PTPRN2: variants seen among roughly 807,000 people sequenced by gnomAD.
The protein encoded by PTPRN2 is receptor-type tyrosine-protein phosphatase N2.
A neutral mutation model predicts 118.8 loss-of-function variants in PTPRN2; 74 were observed. That is an observed-to-expected ratio of 0.62 (90% CI 0.52 to 0.76). The LOEUF (loss-of-function observed/expected upper bound fraction) is 0.76. Among genes scored for constraint, PTPRN2 ranks in the 30% least tolerant of loss-of-function variants. The pLI is 0.00. For missense variants in PTPRN2, 1,481 were observed against 1,394.4 expected, an observed-to-expected ratio of 1.06 and a Z score of -0.99; for synonymous variants, 641 against 608.0, an observed-to-expected ratio of 1.05 and a Z score of -0.80.
At chr7:157,902,334 C>T (rs1020208861) in intron 11 of PTPRN2, among the ~76,000 whole-genome samples, 3 of 151,024 alleles carry the variant, frequency 2.0e-5, no homozygotes, top group Non-Finnish European at 4.4e-5. Context: ...CTGGAGAGCA[C>T]GTGGGGACCA....
intron 3 of PTPRN2, among the ~76,000 whole-genome samples, chr7:158,272,775 G>A (rs1798599684): frequency 6.6e-6 from 1 of 152,138 alleles, no homozygotes; most frequent in African/African-American, 2.4e-5. Context: ...GTGAAACCAG[G>A]GCCTCATAGG....
chr7:157,739,872 C>G (rs188007530), intron 12 of PTPRN2, among the ~76,000 whole-genome samples: 25 of 152,346 alleles, frequency 1.6e-4, no homozygotes, highest in African/African-American at 5.3e-4. Context: ...CATTCCACCC[C>G]CTCTGCGTGC....
chr7:158,186,011 A>G (rs1825099360), intron 5 of PTPRN2, among the ~76,000 whole-genome samples: 1 of 86,122 alleles, frequency 1.2e-5, no homozygotes, highest in African/African-American at 3.3e-5. Context: ...GATTTCTCCC[A>G]GCCCTCTCCC....
intron 3 of PTPRN2, among the ~76,000 whole-genome samples, chr7:158,254,710 C>T (rs565871036): frequency 2.0e-5 from 3 of 152,140 alleles, no homozygotes; most frequent in East Asian, 1.9e-4. Context: ...ACAGAGCCAC[C>T]GCTGCACACA....
intron 21 of PTPRN2, among the ~76,000 whole-genome samples, chr7:157,556,854 ACT>A (rs1240545036): frequency 1.3e-5 from 2 of 150,934 alleles, no homozygotes; most frequent in Admixed American, 1.3e-4. Context: ...CCATGCACAC[ACT>A]CACACAACAT....
At chr7:158,489,666 G>T in intron 2 of PTPRN2, 69 bp downstream of exon 2, 1 of 1,479,696 alleles carries the variant, frequency 6.8e-7, no homozygotes, top group Non-Finnish European at 9.1e-7. Flanking sequence ...GGCTCACCAG[G>T]CTGGGCGCTG....
intron 2 of PTPRN2, among the ~76,000 whole-genome samples, chr7:158,391,455 C>A (rs1437503049): frequency 6.6e-6 from 1 of 152,250 alleles, no homozygotes; most frequent in Non-Finnish European, 1.5e-5. Flanking sequence ...GGGAAAGAGA[C>A]CATGTCCTGG....
chr7:157,721,869 G>C (rs535201729), intron 12 of PTPRN2, among the ~76,000 whole-genome samples: 2 of 152,330 alleles, frequency 1.3e-5, no homozygotes, highest in South Asian at 4.1e-4. Context: ...TCGTGTTACA[G>C]AGCATTCTAA....
At chr7:158,098,425 G>A (rs1295140991) in intron 10 of PTPRN2, among the ~76,000 whole-genome samples, 1 of 152,210 alleles carries the variant, frequency 6.6e-6, no homozygotes, top group Non-Finnish European at 1.5e-5. Context: ...TAAGGCGGGA[G>A]ATGCCCGAGG....
intron 1 of PTPRN2, among the ~76,000 whole-genome samples, chr7:158,557,154 C>T (rs1284288302): frequency 1.6e-5 from 2 of 122,238 alleles, no homozygotes; most frequent in African/African-American, 6.4e-5. Flanking sequence ...GCAGGGCAGG[C>T]GGCTCCCACG....
chr7:157,583,778 A>G lies in PTPRN2; in HGVS notation c.2497-5638T>C, dbSNP rs1348359997. Reference sequence around the variant, plus strand: ...GGTGCTGTAATCCCAGCTACTCAGGAGGCTGAGGCAGGAGAACTGCTTGTG... The same window carrying G: ...GGTGCTGTAATCCCAGCTACTCAGGGGGCTGAGGCAGGAGAACTGCTTGTG... On this transcript the variant is annotated intron_variant, in intron 17 of 22. Transcript: ENST00000389418. This position sits in a 1 kb window ranked among gnomAD's most constrained non-coding sequence, Gnocchi z 5.5. Among the ~76,000 whole-genome samples the G allele has an allele frequency of 6.6e-6, 1 of 152,280 alleles. No homozygotes were observed. Among genetic ancestry groups the G allele is most frequent in the East Asian group, 1.9e-4 (1 of 5,180 alleles).
Position 157,627,934 on chromosome 7 carries a change from C to T in PTPRN2, c.2197-6425G>A, listed in dbSNP as rs1180290433. ...ATGACACCATCAGCGCTCACATAAT[C>T]TACTTTGTTAGAGATATGAACTCAA... On this transcript the variant is annotated intron_variant, in intron 14 of 22. Transcript: ENST00000389418. This position sits in a 1 kb window ranked among gnomAD's most constrained non-coding sequence, Gnocchi z 4.2. Among the ~76,000 whole-genome samples, 1 of 152,242 alleles carries T rather than the reference C, an allele frequency of 6.6e-6. No individual in the cohort carries two copies. The highest frequency in any genetic ancestry group is 1.5e-5 in the Non-Finnish European group (1 of 68,046).
intron 12 of PTPRN2, among the ~76,000 whole-genome samples, chr7:157,852,207 G>A (rs1809329268): frequency 6.6e-6 from 1 of 152,148 alleles, no homozygotes; most frequent in Non-Finnish European, 1.5e-5. Flanking sequence ...CCAAAATGTT[G>A]GCAAACTCTG....
rs552727169 is a variant in PTPRN2, at chr7:158,529,970, C to T, written c.113-40185G>A. Among the ~76,000 whole-genome samples, 325 of 152,228 alleles carry T rather than the reference C, an allele frequency of 2.1e-3. 9 individuals carry two copies. Among genetic ancestry groups the T allele is most frequent in the Middle Eastern group, 3.4e-3 (1 of 294 alleles). The stretch of plus-strand genomic sequence containing the variant: ...CTCACATACCACACACAAGCATGCA[C>T]GCCACACATGCCATACACACCACAC... On this transcript the variant is annotated intron_variant, in intron 1 of 22. Coordinates refer to ENST00000389418, the MANE Select transcript of PTPRN2 (RefSeq NM_002847.5). This position sits in a 1 kb window ranked among gnomAD's most constrained non-coding sequence, Gnocchi z 4.7.
At position 158,135,100 on chromosome 7, in the gene PTPRN2, T is replaced by C. The variant is rs11971924; in HGVS notation, c.1174-1041A>G. ...CTCCTGGTGCATGTGATGCCAAAAG[T>C]CTTATGTCTACTTGGCAGGGTTTTT... On this transcript the variant is annotated intron_variant, in intron 8 of 22. Coordinates refer to ENST00000389418, the MANE Select transcript of PTPRN2 (RefSeq NM_002847.5). 4.8e-3 allele frequency among the ~76,000 whole-genome samples: 725 copies of C among 152,266 alleles called. 8 individuals are homozygous for C. Among genetic ancestry groups the C allele is most frequent in the African/African-American group, 0.016 (672 of 41,540 alleles).
intron 3 of PTPRN2, among the ~76,000 whole-genome samples, chr7:158,254,324 AGTG>A (rs2150904091): frequency 1.8e-4 from 4 of 22,010 alleles, no homozygotes; most frequent in Non-Finnish European, 2.2e-4. Flanking sequence ...GTAACTGGAC[AGTG>A]GCACAGAGCC....
intron 11 of PTPRN2, among the ~76,000 whole-genome samples, chr7:157,993,232 G>C (rs1367576215): frequency 6.6e-6 from 1 of 152,046 alleles, no homozygotes; most frequent in East Asian, 1.9e-4. Context: ...TGAAGAGCAG[G>C]TTTCCTATAT....
At chr7:158,361,821 C>A (rs1034724276) in intron 2 of PTPRN2, among the ~76,000 whole-genome samples, 1 of 152,166 alleles carries the variant, frequency 6.6e-6, no homozygotes, top group African/African-American at 2.4e-5. Context: ...CTGGCTGGGG[C>A]AGGCCCTCCT....
At chr7:158,468,385 G>A (rs986478668) in intron 2 of PTPRN2, among the ~76,000 whole-genome samples, 2 of 152,202 alleles carry the variant, frequency 1.3e-5, no homozygotes, top group Admixed American at 1.3e-4. Flanking sequence ...GGATCGTCTT[G>A]CCCAGAGATC....
Sources: allele counts gnomAD v4.1 joint callset (sites outside exome capture counted in the v4.1 genomes callset), GRCh38; gene constraint gnomAD v4.1.1; non-coding constraint Gnocchi (gnomAD v3.1); transcripts MANE v1.5; gene names NCBI Gene and HGNC (gene_info 2026-07-23, HGNC 2026-07-21).